Variants in IST1 observed in about 807,000 individuals in gnomAD.
IST1 encodes IST1 factor associated with ESCRT-III.
Under a neutral mutation model 37.0 loss-of-function variants are expected in IST1, and 23 were observed. The observed-to-expected ratio is 0.62, with a 90% CI of 0.45 to 0.88. IST1 has a LOEUF of 0.88. Ranked by LOEUF, IST1 falls within the 40% of genes least tolerant of loss-of-function variation. The pLI is 0.00. For missense variants in IST1, 488 were observed against 445.4 expected (o/e 1.10, Z -0.86); for synonymous variants, 180 against 161.7 (o/e 1.11, Z -0.86).
At chr16:71,923,723 TATC>T (rs1171611686) in intron 8 of IST1, among the ~76,000 whole-genome samples, 1 of 152,194 alleles carries the variant, frequency 6.6e-6, no homozygotes, top group Non-Finnish European at 1.5e-5. Flanking sequence ...GGTGCTAAAG[TATC>T]ATAATTATTA....
chr16:71,930,154 G>T lies in IST1; in HGVS notation c.*2341G>T. The T allele has an allele frequency of 6.4e-7, 1 of 1,551,174 alleles. No individual in the cohort carries two copies. Among genetic ancestry groups the T allele is most frequent in the Non-Finnish European group, 8.7e-7 (1 of 1,146,674 alleles). The stretch of plus-strand genomic sequence containing the variant: ...AGATGACACTGGTGAGGATCAGAAA[G>T]GTGCCCAGGACTGGGTCTAAAGCGA... On this transcript the variant is annotated 3_prime_UTR_variant, in exon 10 of 10. Transcript: ENST00000378799.
chr16:71,895,117 A>T (rs1345007210), upstream of IST1: 1 of 334,254 alleles, frequency 3.0e-6, no homozygotes, highest in African/African-American at 2.2e-5. Context: ...AAGTCCAGCG[A>T]AAGGCGGCAG....
rs2037865208 is a variant in IST1, at chr16:71,929,847, CTATT to C, written c.*2038_*2041del. The C allele has an allele frequency of 1.0e-5, 10 of 956,830 alleles. No homozygotes were observed. Among genetic ancestry groups the C allele is most frequent in the Middle Eastern group, 3.3e-4 (1 of 2,998 alleles). 59.3% of individuals were successfully genotyped at this position (956,830 alleles called of 1,614,324 possible). A position where few individuals can be genotyped will look rare whatever the true frequency, so the allele number is the denominator to read the frequency against. On this transcript the variant is annotated 3_prime_UTR_variant, in exon 10 of 10. Transcript: ENST00000378799. ...GTTTCCACTAATGGTTGCGAGCCAA[CTATT>C]TATAGGACAATGGCTATAGAATATT...
At chr16:71,898,442 G>GA (rs1232500352) in intron 1 of IST1, among the ~76,000 whole-genome samples, 3 of 151,038 alleles carry the variant, frequency 2.0e-5, no homozygotes, top group Admixed American at 1.3e-4. Flanking sequence ...CCAGCACTTT[G>GA]AGAGGCTGAG....
chr16:71,922,388 A>C, intron 6 of IST1, 86 bp from the exon 7 acceptor site: 2 of 1,116,360 alleles, frequency 1.8e-6, no homozygotes, highest in Non-Finnish European at 2.7e-6. Context: ...AACTTGCTTT[A>C]TGCTAATCTC....
At chr16:71,921,681 G>A (rs886925306) in intron 6 of IST1, 2 of 452,758 alleles carry the variant, frequency 4.4e-6, no homozygotes, top group African/African-American at 2.0e-5. Context: ...ATGTAAAATG[G>A]CACTATTATT....
rs965963461 is a variant in IST1 at position 71,895,605 on chromosome 16, T to C, written c.-16+16T>C. Reference sequence around the variant, plus strand: ...ATTCGGTTAGGTGAGTGTGGCATCCTCGGCGTCAGAGGTCTCTGTCTTCCT... The same window carrying C: ...ATTCGGTTAGGTGAGTGTGGCATCCCCGGCGTCAGAGGTCTCTGTCTTCCT... On this transcript the variant is annotated intron_variant, in intron 1 of 9. Transcript: ENST00000378799. 3.1e-6 allele frequency: 3 copies of C among 966,200 alleles called. No individual in the cohort carries two copies. The highest frequency in any genetic ancestry group is 1.2e-6 in the Non-Finnish European group (1 of 812,396). 59.9% of individuals were successfully genotyped at this position (966,200 alleles called of 1,614,324 possible).
rs2037842753 is a variant in IST1, at chr16:71,929,561, C to T, written c.*1748C>T. ...GATTAAGGTAGTTCATCTAAAACTTCAGTGTCACTGCCCACTGCTGTCGTG... is the reference window on the plus strand; with the variant it reads ...GATTAAGGTAGTTCATCTAAAACTTTAGTGTCACTGCCCACTGCTGTCGTG... On this transcript the variant is annotated 3_prime_UTR_variant, in exon 10 of 10. Coordinates refer to ENST00000378799, the MANE Select transcript of IST1 (RefSeq NM_001270975.2). 2.6e-6 allele frequency: 4 copies of T among 1,551,106 alleles called. No homozygotes were observed. In the African/African-American group the frequency reaches 4.1e-5, roughly 16 times the overall value.
At position 71,923,391 on chromosome 16, in the gene IST1, G is replaced by T. The variant is rs1318949948; in HGVS notation, c.852+11G>T. 3 of 1,552,784 alleles carry T rather than the reference G, an allele frequency of 1.9e-6. No homozygotes were observed. Among genetic ancestry groups the T allele is most frequent in the Middle Eastern group, 3.4e-4 (2 of 5,928 alleles). On this transcript the variant is annotated intron_variant, in intron 8 of 9. Transcript: ENST00000378799. Reference sequence around the variant, plus strand: ...CCATCGTATGAATCTGTAAGTGCCTGAGCCTCTTTTATAAGCAACAGGAGA... The same window carrying T: ...CCATCGTATGAATCTGTAAGTGCCTTAGCCTCTTTTATAAGCAACAGGAGA...
At chr16:71,897,657 GA>G (rs145074589) in intron 1 of IST1, among the ~76,000 whole-genome samples, 1 of 152,300 alleles carries the variant, frequency 6.6e-6, no homozygotes, top group Non-Finnish European at 1.5e-5. Flanking sequence ...AATTCTTATT[GA>G]GTGGAGGCCG....
Position 71,917,642 on chromosome 16 carries a change from C to T in IST1, c.357+508C>T, listed in dbSNP as rs2037493184. ...TCACAACATGGATATGGTACTGACT[C>T]CTAGGATACAAATTCAGTTGTGTTG... On this transcript the variant is annotated intron_variant, in intron 4 of 9. Coordinates refer to ENST00000378799, the MANE Select transcript of IST1 (RefSeq NM_001270975.2). Among the ~76,000 whole-genome samples, 9 of 152,276 alleles carry T rather than the reference C, an allele frequency of 5.9e-5. No homozygotes were observed. The South Asian group carries it at 1.9e-3, about 32-fold the overall frequency.
intron 9 of IST1, among the ~76,000 whole-genome samples, chr16:71,925,223 C>T (rs890387341): frequency 1.3e-5 from 2 of 151,780 alleles, no homozygotes; most frequent in Non-Finnish European, 2.9e-5. Context: ...CCGTGTTAGC[C>T]AGGATGGTCT....
chr16:71,905,391 T>C (rs141662469), intron 1 of IST1, among the ~76,000 whole-genome samples: 134 of 57,310 alleles, frequency 2.3e-3, no homozygotes, highest in African/African-American at 8.2e-3. Context: ...TTTCTTTTTT[T>C]TTTTTTGAGA....
intron 1 of IST1, among the ~76,000 whole-genome samples, chr16:71,912,688 C>T (rs1365388694): frequency 3.9e-5 from 6 of 152,146 alleles, no homozygotes; most frequent in African/African-American, 1.2e-4. Context: ...GTACTCACAT[C>T]GTTGTGCAAC....
chr16:71,915,573 T>C, intron 1 of IST1, 53 bp from the exon 2 acceptor site: 1 of 1,263,212 alleles, frequency 7.9e-7, no homozygotes, highest in Admixed American at 2.0e-5. Context: ...GAGGTGTTAG[T>C]TCCTGAACTA....
At chr16:71,923,225 C>A in intron 7 of IST1, 63 bp from the exon 8 acceptor site, 1 of 894,966 alleles carries the variant, frequency 1.1e-6, no homozygotes, top group Non-Finnish European at 1.8e-6. Context: ...CCTTCCCATA[C>A]CCAAACCTTC....
chr16:71,895,423 C>A, upstream of IST1: 1 of 724,924 alleles, frequency 1.4e-6, no homozygotes, highest in Non-Finnish European at 1.7e-6. Context: ...GCGCGTGGGT[C>A]CCGGCAGCGG....
upstream of IST1, chr16:71,894,417 T>A (rs2142506618): frequency 6.5e-6 from 1 of 154,716 alleles, no homozygotes; most frequent in East Asian, 1.9e-4. Context: ...CATGCGTAAT[T>A]TCCTCTTTAG....
At chr16:71,920,692 C>A in intron 4 of IST1, 47 bp from the exon 5 acceptor site, 1 of 1,353,028 alleles carries the variant, frequency 7.4e-7, no homozygotes, top group Non-Finnish European at 1.1e-6. Flanking sequence ...TTAAAGCAGT[C>A]CGTTGGAGTG....
Sources: allele counts gnomAD v4.1 joint callset (sites outside exome capture counted in the v4.1 genomes callset), GRCh38; gene constraint gnomAD v4.1.1; transcripts MANE v1.5; gene names NCBI Gene and HGNC (gene_info 2026-07-23, HGNC 2026-07-21).